CHD1L: variants seen among roughly 807,000 people sequenced by gnomAD.
CHD1L encodes the protein ATP-dependent chromatin remodeler CHD1L.
Under a neutral mutation model 115.9 loss-of-function variants are expected in CHD1L, and 118 were observed. The ratio of observed to expected loss-of-function variants is 1.02; its 90% CI spans 0.88 to 1.19. The LOEUF (loss-of-function observed/expected upper bound fraction) is 1.19, where lower values mean the gene tolerates loss of function less well. Among genes scored for constraint, CHD1L ranks in the 50% most tolerant of loss-of-function variants. The probability of loss-of-function intolerance (pLI) is 0.00; values close to 1 mark genes in which losing one functional copy is unlikely to be tolerated. For missense variants in CHD1L, 1,179 were observed against 1,065.3 expected, an observed-to-expected ratio of 1.11 and a Z score of -1.49; for synonymous variants, 411 against 387.1, an observed-to-expected ratio of 1.06 and a Z score of -0.72.
At position 147,242,718 on chromosome 1, in the gene CHD1L, C is replaced by A. The variant is rs781983694; in HGVS notation, c.15C>A (p.Gly5=). 2 of 1,256,664 alleles carry A rather than the reference C, an allele frequency of 1.6e-6. No homozygotes were observed. Among genetic ancestry groups the A allele is most frequent in the Non-Finnish European group, 2.0e-6 (2 of 996,598 alleles). 77.8% of individuals were successfully genotyped at this position (1,256,664 alleles called of 1,614,324 possible). ...CTACCGGCCCGATGGAGCGCGCGGG[C>A]GCTACTAGCCGCGGGGGCCAAGCCC... MERA[G]ATSRGGQAPG... is the part of the protein sequence containing the mutation. The change falls in exon 1 of 23, where the codon GGC becomes GGA. Residue 5 remains glycine, a synonymous_variant. Coordinates refer to ENST00000369258, the MANE Select transcript of CHD1L (RefSeq NM_004284.6).
At chr1:147,183,995 A>G in the CHD1L span, among the ~76,000 whole-genome samples, 1 of 152,202 alleles carries the variant, frequency 6.6e-6, no homozygotes, top group African/African-American at 2.4e-5. Flanking sequence ...TTGACTTTAT[A>G]TCACCATTTT....
At chr1:147,285,186 C>T in intron 16 of CHD1L, 138 bp from the exon 17 acceptor site, 4 of 963,478 alleles carry the variant, frequency 4.2e-6, no homozygotes, top group Non-Finnish European at 6.2e-6. Context: ...GCCTCCAGTT[C>T]CCACCATGCA....
chr1:147,238,244 G>C (rs1664650112), upstream of CHD1L, among the ~76,000 whole-genome samples: 1 of 152,178 alleles, frequency 6.6e-6, no homozygotes, highest in Non-Finnish European at 1.5e-5. Flanking sequence ...TAAGCTCAAA[G>C]TTCCAAGTTC....
chr1:147,233,149 C>T, the CHD1L span, among the ~76,000 whole-genome samples: 5 of 151,770 alleles, frequency 3.3e-5, no homozygotes, highest in South Asian at 4.2e-4. Flanking sequence ...TGCCCGGCTG[C>T]GACCCCGTCT....
At chr1:147,179,034 T>C in the CHD1L span, 1 of 1,613,742 alleles carries the variant, frequency 6.2e-7, no homozygotes, top group African/African-American at 1.3e-5. Context: ...GCAAAACCTT[T>C]AGCCATGAAC....
intron 13 of CHD1L, 95 bp from the exon 14 acceptor site, chr1:147,276,009 T>C: frequency 8.3e-7 from 1 of 1,211,010 alleles, no homozygotes; most frequent in Non-Finnish European, 1.2e-6. Flanking sequence ...ATATGGTATT[T>C]GGTTTTGTTT....
the CHD1L span, chr1:147,178,959 G>A: frequency 1.9e-6 from 3 of 1,612,558 alleles, no homozygotes; most frequent in East Asian, 6.7e-5. Flanking sequence ...GGAGAAACAG[G>A]GTAATGATGG....
chr1:147,237,724 T>G (rs1456415575), upstream of CHD1L, among the ~76,000 whole-genome samples: 1 of 152,168 alleles, frequency 6.6e-6, no homozygotes, highest in Non-Finnish European at 1.5e-5. Flanking sequence ...TCAAAAGCCT[T>G]CAGGGACTAG....
At chr1:147,214,190 G>A in the CHD1L span, among the ~76,000 whole-genome samples, 3 of 152,238 alleles carry the variant, frequency 2.0e-5, no homozygotes, top group South Asian at 2.1e-4. Context: ...GGTGGCTCAC[G>A]CATGTAATCC....
intron 22 of CHD1L, among the ~76,000 whole-genome samples, chr1:147,294,811 A>G (rs1430384853): frequency 1.3e-5 from 2 of 152,250 alleles, no homozygotes; most frequent in Non-Finnish European, 2.9e-5. Context: ...TGAGTCTGTC[A>G]CATCACTTCT....
chr1:147,273,611 C>T (rs1677122557), intron 12 of CHD1L, among the ~76,000 whole-genome samples: 1 of 152,180 alleles, frequency 6.6e-6, no homozygotes, highest in African/African-American at 2.4e-5. Flanking sequence ...AGTGCATCAT[C>T]ACTGCCGGGA....
At chr1:147,204,319 C>G in the CHD1L span, 1,316 of 963,410 alleles carry the variant, frequency 1.4e-3, 17 homozygotes, top group Non-Finnish European at 1.1e-4. Flanking sequence ...CAGAATTTTA[C>G]AAACTCTGAT....
intron 1 of CHD1L, among the ~76,000 whole-genome samples, chr1:147,250,145 A>C (rs1553935708): frequency 6.6e-6 from 1 of 151,940 alleles, no homozygotes; most frequent in African/African-American, 2.4e-5. Flanking sequence ...GTTCAAGTGC[A>C]TTCATAACTA....
At chr1:147,191,770 C>A in the CHD1L span, among the ~76,000 whole-genome samples, 2 of 151,998 alleles carry the variant, frequency 1.3e-5, no homozygotes, top group African/African-American at 4.8e-5. Flanking sequence ...AATAGGGAAT[C>A]CTTTCCCCAT....
chr1:147,203,741 G>A, the CHD1L span: 4 of 1,533,856 alleles, frequency 2.6e-6, no homozygotes, highest in South Asian at 1.1e-5. Flanking sequence ...AACTTTGAAA[G>A]TATTAACACC....
At chr1:147,185,342 T>G in the CHD1L span, among the ~76,000 whole-genome samples, 1 of 150,954 alleles carries the variant, frequency 6.6e-6, no homozygotes, top group South Asian at 2.1e-4. Context: ...AAAGAGAAAT[T>G]TATATGTTAA....
chr1:147,203,762 G>A, the CHD1L span: 2 of 1,529,888 alleles, frequency 1.3e-6, no homozygotes, highest in African/African-American at 1.4e-5. Flanking sequence ...ATCATCTACT[G>A]CCCTTTCTAT....
In CHD1L at chr1:147,262,977, A is replaced by G. The variant is rs138020905; in HGVS notation, c.577-1445A>G. Among the ~76,000 whole-genome samples the G allele has an allele frequency of 1.4e-3, 210 of 152,254 alleles. 1 individual carries two copies. Among genetic ancestry groups the G allele is most frequent in the Non-Finnish European group, 2.2e-3 (151 of 68,022 alleles). On this transcript the variant is annotated intron_variant, in intron 6 of 22. Coordinates refer to ENST00000369258, the MANE Select transcript of CHD1L (RefSeq NM_004284.6). ...AAAAGTAATGTATATATGCATATAT[A>G]TTATTTAAAAAGTCAAAATGTATAT...
the CHD1L span, among the ~76,000 whole-genome samples, chr1:147,207,257 A>G: frequency 2.0e-5 from 3 of 152,278 alleles, no homozygotes; most frequent in South Asian, 4.1e-4. Flanking sequence ...TATGCTCTAT[A>G]TGTATGGACC....
Sources: gnomAD v4.1 joint callset for allele counts (sites outside exome capture counted in the v4.1 genomes callset) on GRCh38, gnomAD v4.1.1 for gene constraint, MANE v1.5 for transcripts, NCBI Gene and HGNC (gene_info 2026-07-23, HGNC 2026-07-21) for gene names.